L3MBTL4: variants seen among roughly 807,000 people sequenced by gnomAD.
L3MBTL4 encodes lethal(3)malignant brain tumor-like protein 4.
In L3MBTL4, 70 loss-of-function variants were observed where a neutral mutation model predicts 84.5. That is an observed-to-expected ratio of 0.83 (90% CI 0.68 to 1.01). The LOEUF (loss-of-function observed/expected upper bound fraction) is 1.01, where lower values mean the gene tolerates loss of function less well. Ranked by LOEUF, L3MBTL4 falls within the 50% of genes least tolerant of loss-of-function variation. The pLI, the probability that L3MBTL4 is intolerant of heterozygous loss-of-function variation, is 0.00. For synonymous variants in L3MBTL4, 274 were observed against 259.8 expected (o/e 1.05, Z -0.52); for missense variants, 715 against 754.8 (o/e 0.95, Z 0.62).
chr18:6,185,831 G>A (rs1414172784), intron 12 of L3MBTL4, among the ~76,000 whole-genome samples: 4 of 152,166 alleles, frequency 2.6e-5, no homozygotes, highest in Non-Finnish European at 5.9e-5. Context: ...TGCTGAGGCT[G>A]CCAAATAGAC....
chr18:6,147,697 C>G (rs2042715031), intron 13 of L3MBTL4, among the ~76,000 whole-genome samples: 1 of 152,136 alleles, frequency 6.6e-6, no homozygotes, highest in African/African-American at 2.4e-5. Flanking sequence ...CACTCAGAAA[C>G]AATCACACAG....
intron 1 of L3MBTL4, among the ~76,000 whole-genome samples, chr18:6,334,383 A>T (rs2052215985): frequency 6.6e-6 from 1 of 152,206 alleles, no homozygotes; most frequent in South Asian, 2.1e-4. Flanking sequence ...ACTCTACAGG[A>T]AAACACAGGC....
chr18:6,117,316 C>A (rs1469004222), intron 14 of L3MBTL4, among the ~76,000 whole-genome samples: 3 of 152,158 alleles, frequency 2.0e-5, no homozygotes, highest in African/African-American at 7.2e-5. Context: ...ATTATTTTTT[C>A]AGCAAAGTAG....
At chr18:6,195,345 C>T (rs750846217) in intron 12 of L3MBTL4, among the ~76,000 whole-genome samples, 3 of 152,186 alleles carry the variant, frequency 2.0e-5, no homozygotes, top group Non-Finnish European at 4.4e-5. Context: ...TGTCCGCTAC[C>T]CTGTGCCCCT....
chr18:6,168,268 T>C (rs1174232139), intron 13 of L3MBTL4, among the ~76,000 whole-genome samples: 4 of 152,100 alleles, frequency 2.6e-5, no homozygotes, highest in Admixed American at 2.6e-4. Context: ...AATTTACAGA[T>C]TCAATGCCAT....
Position 6,255,148 on chromosome 18 carries a change from T to G in L3MBTL4, c.219+8799A>C, listed in dbSNP as rs1259194808. On this transcript the variant is annotated intron_variant, in intron 5 of 18. Coordinates refer to ENST00000317931, the MANE Select transcript of L3MBTL4 (RefSeq NM_001330559.2). ...CCCAGAGAAAATAGACAAGGATACT[T>G]CTAATACATATTTCCTTTAACTAAA... Among the ~76,000 whole-genome samples, 4 of 152,200 alleles carry G rather than the reference T, an allele frequency of 2.6e-5. No individual in the cohort carries two copies. In the South Asian group the frequency reaches 8.3e-4, roughly 31 times the overall value.
At chr18:6,072,881 A>AAAAATATAT (rs1555645982) in intron 16 of L3MBTL4, among the ~76,000 whole-genome samples, 1 of 20,450 alleles carries the variant, frequency 4.9e-5, no homozygotes, top group Non-Finnish European at 8.8e-5. Context: ...AAAAAAAAAA[A>AAAAATATAT]ATATATATAT....
chr18:6,068,574 C>G (rs1418025853), intron 16 of L3MBTL4, among the ~76,000 whole-genome samples: 1 of 152,178 alleles, frequency 6.6e-6, no homozygotes, highest in Non-Finnish European at 1.5e-5. Flanking sequence ...AGTTGTGACT[C>G]TGCAAGCCTG....
intron 1 of L3MBTL4, among the ~76,000 whole-genome samples, chr18:6,391,771 A>ACTACTACTACTACTACTACTACTACTG: frequency 6.6e-6 from 1 of 152,088 alleles, no homozygotes; most frequent in Non-Finnish European, 1.5e-5. Flanking sequence ...TACTACTACT[A>ACTACTACTACTACTACTACTACTACTG]CTACTACTAG....
chr18:6,270,895 C>G (rs1310683810), intron 4 of L3MBTL4, among the ~76,000 whole-genome samples: 1 of 152,166 alleles, frequency 6.6e-6, no homozygotes. Context: ...AGAACTTCCT[C>G]TATGAATCAG....
chr18:6,157,389 T>A (rs2144934393), intron 13 of L3MBTL4, among the ~76,000 whole-genome samples: 1 of 152,334 alleles, frequency 6.6e-6, no homozygotes, highest in East Asian at 1.9e-4. Context: ...AAAAATTGCA[T>A]TAACTTTTAT....
At chr18:6,209,848 T>C (rs556409759) in intron 12 of L3MBTL4, among the ~76,000 whole-genome samples, 2 of 152,338 alleles carry the variant, frequency 1.3e-5, no homozygotes, top group South Asian at 4.1e-4. Context: ...ACAGTATGGA[T>C]GAACCTTGAA....
intron 16 of L3MBTL4, among the ~76,000 whole-genome samples, chr18:6,026,202 C>T (rs28470963): frequency 0.013 from 1,956 of 152,192 alleles, 31 homozygotes; most frequent in African/African-American, 0.045. Context: ...GAACAAAAGA[C>T]AAATTCTGGT....
intron 16 of L3MBTL4, among the ~76,000 whole-genome samples, chr18:5,984,875 A>G (rs979972470): frequency 6.6e-6 from 1 of 152,072 alleles, no homozygotes; most frequent in African/African-American, 2.4e-5. Context: ...GGTATAGATT[A>G]TTGGTCAAAA....
intron 10 of L3MBTL4, among the ~76,000 whole-genome samples, chr18:6,225,511 G>A (rs995859916): frequency 1.3e-5 from 2 of 152,190 alleles, no homozygotes; most frequent in Admixed American, 1.3e-4. Flanking sequence ...TATAATCCCA[G>A]CACTTTGGGA....
intron 4 of L3MBTL4, among the ~76,000 whole-genome samples, chr18:6,301,380 G>A (rs1424659112): frequency 2.6e-5 from 4 of 152,028 alleles, no homozygotes; most frequent in African/African-American, 4.8e-5. Context: ...CCAGAAAATC[G>A]CATCTTCATC....
chr18:5,993,509 A>G (rs1007561132), intron 16 of L3MBTL4, among the ~76,000 whole-genome samples: 1 of 152,204 alleles, frequency 6.6e-6, no homozygotes, highest in South Asian at 2.1e-4. Flanking sequence ...GAACTAAAAT[A>G]TGATGAGCTA....
rs555076274 is a variant in L3MBTL4 at position 6,120,602 on chromosome 18, C to G, written c.1199+17592G>C. ...ACTAAGTCAGAAAACAGAACATAAA[C>G]CCAGAGGCCCCTCCATTCCTCCTCT... On this transcript the variant is annotated intron_variant, in intron 14 of 18. Coordinates refer to ENST00000317931, the MANE Select transcript of L3MBTL4 (RefSeq NM_001330559.2). 2.0e-5 allele frequency among the ~76,000 whole-genome samples: 3 copies of G among 152,304 alleles called. No individual in the cohort carries two copies. The East Asian group carries it at 5.8e-4, about 29-fold the overall frequency.
chr18:6,150,803 T>G (rs73381942), intron 13 of L3MBTL4, among the ~76,000 whole-genome samples: 7,855 of 152,138 alleles, frequency 0.052, 696 homozygotes, highest in African/African-American at 0.18. Flanking sequence ...AAACCAGACT[T>G]CCTACCTTCT....
Sources: gnomAD v4.1 joint callset for allele counts (sites outside exome capture counted in the v4.1 genomes callset) on GRCh38, gnomAD v4.1.1 for gene constraint, MANE v1.5 for transcripts, NCBI Gene and HGNC (gene_info 2026-07-23, HGNC 2026-07-21) for gene names.